The following MST1R variants were observed in gnomAD, a reference collection of about 807,000 sequenced individuals.
MST1R encodes macrophage-stimulating protein receptor.
In MST1R, 99 loss-of-function variants were observed where a neutral mutation model predicts 117.8. That is an observed-to-expected ratio of 0.84 (90% CI 0.71 to 0.99). MST1R has a LOEUF of 0.99. Among genes scored for constraint, MST1R ranks in the 50% least tolerant of loss-of-function variants. The pLI is 0.00. For missense variants in MST1R, 1,683 were observed against 1,840.2 expected (o/e 0.91, Z 1.56); for synonymous variants, 734 against 765.3 (o/e 0.96, Z 0.68).
rs759828393 is a variant in MST1R at position 49,896,040 on chromosome 3, T to C, written c.2717A>G (p.Gln906Arg). 2 of 1,609,170 alleles carry C rather than the reference T, an allele frequency of 1.2e-6. No individual in the cohort carries two copies. The highest frequency in any genetic ancestry group is 1.1e-5 in the South Asian group (1 of 90,066). The change falls in exon 11 of 20, where the codon CAG (glutamine) becomes CGG (arginine). Residue 906 changes from glutamine to arginine, a missense_variant. Coordinates refer to ENST00000296474, the MANE Select transcript of MST1R (RefSeq NM_002447.4). ...AACCATGTCCCCCCGGAACTCGTGC[T>C]GGCAGCTCTCACCACCCACGGTCAC... The part of the protein sequence containing the change: ...INVTVGGESC[Q>R]HEFRGDMVVC...
rs748363487 is a variant in MST1R, at chr3:49,889,950, G to C, written c.3921C>G (p.Pro1307=). Residue 1307 remains proline (P), a synonymous_variant, in exon 19 of 20, where the codon CCC becomes CCG. Coordinates refer to ENST00000296474, the MANE Select transcript of MST1R (RefSeq NM_002447.4). The stretch of plus-strand genomic sequence containing the variant: ...GAGAATCAGGGCAATACTCAGGCTG[G>C]GGCAGGCGCCGACCCTGGGCCAGGA... ...THFLAQGRRL[P]QPEYCPDSLY... is the part of the protein sequence containing the mutation. 23 of 1,614,146 alleles carry C rather than the reference G, an allele frequency of 1.4e-5. No individual in the cohort carries two copies. The highest frequency in any genetic ancestry group is 2.2e-5 in the South Asian group (2 of 91,080).
chr3:49,887,752 C>A (rs1431265836), intron 19 of MST1R, among the ~76,000 whole-genome samples, 190 bp from the exon 20 acceptor site: 1 of 152,248 alleles, frequency 6.6e-6, no homozygotes, highest in African/African-American at 2.4e-5. Flanking sequence ...GCCTTCCCAC[C>A]CTGGCAGAGG....
At chr3:49,901,021 T>C (rs561097868) in intron 1 of MST1R, among the ~76,000 whole-genome samples, 5 of 152,318 alleles carry the variant, frequency 3.3e-5, no homozygotes, top group African/African-American at 9.6e-5. Flanking sequence ...CCAAGATTAG[T>C]CTTCCTGGAG....
In MST1R at chr3:49,903,161, G is replaced by A. The variant is rs772881545; in HGVS notation, c.449C>T (p.Pro150Leu). Residue 150 changes from proline to leucine, a missense_variant, in exon 1 of 20, where the codon CCC (proline) becomes CTC (leucine). By Grantham distance (98) the Pro-to-Leu change is moderately conservative (BLOSUM62 -3). Coordinates refer to ENST00000296474, the MANE Select transcript of MST1R (RefSeq NM_002447.4). ...QGRCFLHDLE[P>L]QGTAVHLAAP... The stretch of plus-strand genomic sequence containing the variant: ...TGCCAGATGCACGGCTGTCCCTTGG[G>A]GCTCTAGGTCATGCAGGAAGCAGCG... The A allele has an allele frequency of 3.1e-6, 5 of 1,604,744 alleles. No individual in the cohort carries two copies. The highest frequency in any genetic ancestry group is 1.7e-5 in the Admixed American group (1 of 60,034).
Position 49,898,875 on chromosome 3 carries a change from C to T in MST1R, c.1540G>A (p.Gly514Arg), listed in dbSNP as rs1490393458. The change falls in exon 3 of 20, where the codon GGG becomes AGG. Residue 514 changes from glycine (G) to arginine (R), a missense_variant. By Grantham distance (125) the Gly-to-Arg change is moderately radical (BLOSUM62 -2). Coordinates refer to ENST00000296474, the MANE Select transcript of MST1R (RefSeq NM_002447.4). ...RLGDHLLFAS[G>R]DQVFQVPIQG... ...GCCCCTGCCCACCTCACCTGGTCCC[C>T]AGAGGCAAAGAGTAGGTGGTCCCCA... is the stretch of plus-strand genomic sequence containing the variant. 3 of 1,613,976 alleles carry T rather than the reference C, an allele frequency of 1.9e-6. No individual in the cohort carries two copies. The highest frequency in any genetic ancestry group is 1.3e-5 in the African/African-American group (1 of 74,950).
At chr3:49,893,666 G>T (rs1445195467) in intron 14 of MST1R, among the ~76,000 whole-genome samples, 1 of 151,632 alleles carries the variant, frequency 6.6e-6, no homozygotes, top group African/African-American at 2.4e-5. Flanking sequence ...TTGGGAGGCT[G>T]AGGCGGGTGG....
Position 49,903,665 on chromosome 3 carries a change from T to TGGGCCTGGCTGG in MST1R, c.-68_-57dup. The TGGGCCTGGCTGG allele has an allele frequency of 6.6e-7, 1 of 1,511,204 alleles. No individual in the cohort carries two copies. The highest frequency in any genetic ancestry group is 8.8e-7 in the Non-Finnish European group (1 of 1,139,274). The allele number at this position is 1,511,204 out of a possible 1,614,324, so 93.6% of individuals were successfully genotyped here. A position where few individuals can be genotyped will look rare whatever the true frequency, so the allele number is the denominator to read the frequency against. On this transcript the variant is annotated 5_prime_UTR_variant, in exon 1 of 20. Coordinates refer to ENST00000296474, the MANE Select transcript of MST1R (RefSeq NM_002447.4). ...ACCGGCCTGGGCCTGGACCTGGGCG[T>TGGGCCTGGCTGG]GGGCCTGGCTGGGGGCCCGACTCGA...
At chr3:49,899,322 G>A in intron 1 of MST1R, 59 bp from the exon 2 acceptor site, 4 of 1,587,778 alleles carry the variant, frequency 2.5e-6, no homozygotes, top group Non-Finnish European at 3.4e-6. Context: ...CGACCCTCTG[G>A]GGCCTTTGTC....
Position 49,896,841 on chromosome 3 carries a change from C to T in MST1R, c.2233G>A (p.Ala745Thr), listed in dbSNP as rs1559476190. The T allele has an allele frequency of 3.2e-6, 5 of 1,552,918 alleles. No homozygotes were observed. In the South Asian group the frequency reaches 5.9e-5, roughly 18 times the overall value. Residue 745 changes from alanine (A) to threonine (T), a missense_variant, in exon 8 of 20, where the codon GCC becomes ACC. Transcript: ENST00000296474. ...ACCTGCAGGCTAAGGGGGACACTGG[C>T]CACCGTGGCCCCAGGGGGTGTGGCA... ...LCATPPGATV[A>T]SVPLSLQVGG...
chr3:49,892,002 T>C, intron 14 of MST1R, 164 bp from the exon 15 acceptor site: 2 of 511,754 alleles, frequency 3.9e-6, no homozygotes, highest in Non-Finnish European at 6.8e-6. Flanking sequence ...GTCTCACTCT[T>C]GCCCAGGCTG....
chr3:49,896,067 T>A lies in MST1R; in HGVS notation c.2690A>T (p.Asn897Ile). The change falls in exon 11 of 20, where the codon AAC (asparagine) becomes ATC (isoleucine). Residue 897 changes from asparagine (N) to isoleucine (I), a missense_variant. Coordinates refer to ENST00000296474, the MANE Select transcript of MST1R (RefSeq NM_002447.4). ...LGAVADCVGI[N>I]VTVGGESCQH... The stretch of plus-strand genomic sequence containing the variant: ...GCAGCTCTCACCACCCACGGTCACG[T>A]TGATACCCACACAGTCAGCCACAGC... 1 of 1,611,656 alleles carries A rather than the reference T, an allele frequency of 6.2e-7. No individual in the cohort carries two copies. The highest frequency in any genetic ancestry group is 1.1e-5 in the South Asian group (1 of 90,742).
rs1361917502 is a variant in MST1R, at chr3:49,896,991, C to T, written c.2184-101G>A. On this transcript the variant is annotated intron_variant, in intron 7 of 19. Coordinates refer to ENST00000296474, the MANE Select transcript of MST1R (RefSeq NM_002447.4). Reference sequence around the variant, plus strand: ...ACCTCTCCCAGTTCGTCTGTTATCTCTCCCACCTGCCCCACTCCATGGTCT... The same window carrying T: ...ACCTCTCCCAGTTCGTCTGTTATCTTTCCCACCTGCCCCACTCCATGGTCT... 6 of 1,345,042 alleles carry T rather than the reference C, an allele frequency of 4.5e-6. No individual in the cohort carries two copies. The African/African-American group carries it at 7.4e-5, about 17-fold the overall frequency. The allele number at this position is 1,345,042 out of a possible 1,614,324, so 83.3% of individuals were successfully genotyped here.
chr3:49,902,835 C>T lies in MST1R; in HGVS notation c.775G>A (p.Val259Ile), dbSNP rs1285746328. The change falls in exon 1 of 20, where the codon GTA becomes ATA. Residue 259 changes from valine (V) to isoleucine (I), a missense_variant. Coordinates refer to ENST00000296474, the MANE Select transcript of MST1R (RefSeq NM_002447.4). The stretch of plus-strand genomic sequence containing the variant: ...GCCGGCTGTACAGTCAGGAAGTATA[C>T]GAAGGCTCCCGTGTGGAAGCTGTGC... ...YVHSFHTGAF[V>I]YFLTVQPASV... 23 of 1,613,558 alleles carry T rather than the reference C, an allele frequency of 1.4e-5. No homozygotes were observed. The highest frequency in any genetic ancestry group is 1.9e-5 in the Non-Finnish European group (23 of 1,180,062).
chr3:49,892,724 C>T (rs950283538), intron 14 of MST1R, among the ~76,000 whole-genome samples: 7 of 149,410 alleles, frequency 4.7e-5, no homozygotes, highest in Admixed American at 1.3e-4. Flanking sequence ...GATGCTGGGG[C>T]GGGAGGATCA....
chr3:49,890,728 A>G (rs1034908668), intron 17 of MST1R, 78 bp from the exon 18 acceptor site: 13 of 1,431,606 alleles, frequency 9.1e-6, no homozygotes, highest in Middle Eastern at 2.3e-4. Flanking sequence ...GCCCTTACAG[A>G]ATTTTTTTTT....
In MST1R at chr3:49,896,012, G is replaced by A; in HGVS notation, c.2745C>T (p.Val915=). 1 of 1,599,244 alleles carries A rather than the reference G, an allele frequency of 6.3e-7. No homozygotes were observed. Among genetic ancestry groups the A allele is most frequent in the Non-Finnish European group, 8.5e-7 (1 of 1,172,684 alleles). The change falls in exon 11 of 20, where the codon GTC becomes GTT. Residue 915 remains valine, a synonymous_variant. Coordinates refer to ENST00000296474, the MANE Select transcript of MST1R (RefSeq NM_002447.4). ...CQHEFRGDMV[V]CPLPPSLQLG... is the part of the protein sequence containing the mutation. ...GCTGCAGGGATGGGGGCAGGGGGCA[G>A]ACAACCATGTCCCCCCGGAACTCGT...
rs1424927277 is a variant in MST1R at position 49,896,830 on chromosome 3, G to A, written c.2244C>T (p.Pro748=). 2.4e-5 allele frequency: 37 copies of A among 1,556,518 alleles called. No homozygotes were observed. Among genetic ancestry groups the A allele is most frequent in the Non-Finnish European group, 3.2e-5 (37 of 1,149,384 alleles). Residue 748 remains proline, a synonymous_variant, in exon 8 of 20, where the codon CCC becomes CCT. Transcript: ENST00000296474. ...TPPGATVASV[P]LSLQVGGAQV... ...GGGCACCCCCCACCTGCAGGCTAAG[G>A]GGGACACTGGCCACCGTGGCCCCAG...
chr3:49,895,983 C>T lies in MST1R; in HGVS notation c.2774G>A (p.Gly925Asp), dbSNP rs2082456959. 5 of 1,579,878 alleles carry T rather than the reference C, an allele frequency of 3.2e-6. No individual in the cohort carries two copies. The highest frequency in any genetic ancestry group is 4.3e-6 in the Non-Finnish European group (5 of 1,162,758). ...TACCTGCAATGGGGCACCATCCTGGCCAAGCTGCAGGGATGGGGGCAGGGG... is the reference window on the plus strand; with the variant it reads ...TACCTGCAATGGGGCACCATCCTGGTCAAGCTGCAGGGATGGGGGCAGGGG... ...VCPLPPSLQL[G>D]QDGAPLQVCV... Residue 925 changes from glycine to aspartate, a missense_variant, in exon 11 of 20, where the codon GGC becomes GAC. By Grantham distance (94) the Gly-to-Asp change is moderately conservative. Transcript: ENST00000296474.
intron 1 of MST1R, among the ~76,000 whole-genome samples, chr3:49,901,219 C>T (rs1435304956): frequency 6.6e-6 from 1 of 152,224 alleles, no homozygotes; most frequent in Non-Finnish European, 1.5e-5. Flanking sequence ...AGGCTAAAGA[C>T]CCCCAACCTC....
Sources: allele counts gnomAD v4.1 joint callset (sites outside exome capture counted in the v4.1 genomes callset), GRCh38; gene constraint gnomAD v4.1.1; transcripts MANE v1.5; gene names NCBI Gene and HGNC (gene_info 2026-07-23, HGNC 2026-07-21).